The following RIC1 variants were observed in gnomAD, a reference collection of about 807,000 sequenced individuals.
RIC1 encodes guanine nucleotide exchange factor subunit RIC1.
Under a neutral mutation model 169.0 loss-of-function variants are expected in RIC1, and 88 were observed. The ratio of observed to expected loss-of-function variants is 0.52; its 90% CI spans 0.44 to 0.62. The LOEUF (loss-of-function observed/expected upper bound fraction) is 0.62, where lower values mean the gene tolerates loss of function less well. Among genes scored for constraint, RIC1 ranks in the 20% least tolerant of loss-of-function variants. The pLI is 0.00. For missense variants in RIC1, 1,877 were observed against 1,725.5 expected (o/e 1.09, Z -1.56); for synonymous variants, 790 against 601.5 (o/e 1.31, Z -4.59).
At chr9:5,680,108 T>C (rs1348166445) in intron 2 of RIC1, among the ~76,000 whole-genome samples, 1 of 152,202 alleles carries the variant, frequency 6.6e-6, no homozygotes, top group Non-Finnish European at 1.5e-5. Flanking sequence ...TCATGTGGTT[T>C]TTGTCTTTGG....
Position 5,774,414 on chromosome 9 carries a change from C to T in RIC1, c.*168C>T. The T allele has an allele frequency of 3.7e-6, 2 of 542,940 alleles. No individual in the cohort carries two copies. Among genetic ancestry groups the T allele is most frequent in the Non-Finnish European group, 6.0e-6 (2 of 332,604 alleles). 33.6% of individuals were successfully genotyped at this position (542,940 alleles called of 1,614,324 possible). ...CTTGTCTAAGAAATCTTTTTGACTCCATAAAAATGTGATATAAAGCATCTT... is the reference window on the plus strand; with the variant it reads ...CTTGTCTAAGAAATCTTTTTGACTCTATAAAAATGTGATATAAAGCATCTT... On this transcript the variant is annotated 3_prime_UTR_variant, in exon 26 of 26. Transcript: ENST00000414202.
intron 25 of RIC1, 96 bp downstream of exon 25, chr9:5,773,176 TTTTA>T (rs1203852325): frequency 8.4e-6 from 4 of 477,426 alleles, no homozygotes; most frequent in African/African-American, 2.0e-5. Context: ...ATGTGTTACA[TTTTA>T]TTTATTTATT....
chr9:5,731,466 T>C (rs749756870), intron 6 of RIC1, among the ~76,000 whole-genome samples: 3 of 152,182 alleles, frequency 2.0e-5, no homozygotes, highest in East Asian at 1.9e-4. Flanking sequence ...CTAGTTCATA[T>C]AGTTGTGATT....
intron 3 of RIC1, among the ~76,000 whole-genome samples, chr9:5,691,039 T>C (rs1282801504): frequency 6.6e-6 from 1 of 151,988 alleles, no homozygotes; most frequent in Non-Finnish European, 1.5e-5. Context: ...AGAGGTATAA[T>C]AAAAGTTGTG....
chr9:5,755,494 T>TA (rs368456895), intron 15 of RIC1, among the ~76,000 whole-genome samples: 23 of 152,356 alleles, frequency 1.5e-4, no homozygotes, highest in African/African-American at 5.5e-4. Flanking sequence ...TAGTATACTG[T>TA]ACTCACCTAT....
intron 6 of RIC1, among the ~76,000 whole-genome samples, chr9:5,727,819 G>T (rs1381859716): frequency 6.6e-6 from 1 of 152,224 alleles, no homozygotes; most frequent in Non-Finnish European, 1.5e-5. Flanking sequence ...TCCAGACCCT[G>T]TTTGCCTGGG....
At chr9:5,680,590 T>C (rs922009034) in intron 2 of RIC1, among the ~76,000 whole-genome samples, 8 of 152,178 alleles carry the variant, frequency 5.3e-5, no homozygotes, top group Admixed American at 3.9e-4. Flanking sequence ...GGTGTATGTG[T>C]CCAGGAACTT....
chr9:5,733,983 T>A (rs1824535693), intron 7 of RIC1, among the ~76,000 whole-genome samples: 2 of 149,668 alleles, frequency 1.3e-5, no homozygotes, highest in Non-Finnish European at 3.0e-5. Flanking sequence ...GTGGATTTTT[T>A]TGGACTACTG....
In RIC1 at chr9:5,774,078, A is replaced by G. The variant is rs772418488; in HGVS notation, c.4104A>G (p.Glu1368=). 6.2e-7 allele frequency: 1 copy of G among 1,614,134 alleles called. No individual in the cohort carries two copies. Among genetic ancestry groups the G allele is most frequent in the Admixed American group, 1.7e-5 (1 of 60,014 alleles). ...FQPITMGKTP[E]QTSPRAEESR... ...CAATAACTATGGGTAAGACTCCAGAACAGACTAGCCCCCGGGCAGAGGAGA... is the reference window on the plus strand; with the variant it reads ...CAATAACTATGGGTAAGACTCCAGAGCAGACTAGCCCCCGGGCAGAGGAGA... Residue 1368 remains glutamate (E), a synonymous_variant, in exon 26 of 26, where the codon GAA becomes GAG. Transcript: ENST00000414202.
At chr9:5,767,423 G>T (rs185846969) in intron 21 of RIC1, among the ~76,000 whole-genome samples, 1 of 149,928 alleles carries the variant, frequency 6.7e-6, no homozygotes, top group Admixed American at 6.6e-5. Context: ...ATGTTCTTCT[G>T]TTGTTGTCTC....
intron 2 of RIC1, among the ~76,000 whole-genome samples, chr9:5,666,302 T>TAG (rs1352909957): frequency 6.6e-6 from 1 of 152,228 alleles, no homozygotes; most frequent in Non-Finnish European, 1.5e-5. Flanking sequence ...TCCTACGACT[T>TAG]TGCTAACTTT....
intron 23 of RIC1, 97 bp downstream of exon 23, chr9:5,770,375 G>C (rs916067419): frequency 9.1e-7 from 1 of 1,094,082 alleles, no homozygotes; most frequent in Non-Finnish European, 1.3e-6. Context: ...TTTCTATCGT[G>C]ATGGAGGATT....
At position 5,717,254 on chromosome 9, in the gene RIC1, G is replaced by T. The variant is rs1370309836; in HGVS notation, c.441-2928G>T. ...GAACTCTTAATTTTGTCAGACGATT[G>T]TTGAGTTTTGTCTAGCAGGTAGTCA... On this transcript the variant is annotated intron_variant, in intron 4 of 25. Transcript: ENST00000414202. Among the ~76,000 whole-genome samples, 4 of 152,116 alleles carry T rather than the reference G, an allele frequency of 2.6e-5. No individual in the cohort carries two copies. In the South Asian group the frequency reaches 8.3e-4, roughly 32 times the overall value.
intron 21 of RIC1, among the ~76,000 whole-genome samples, chr9:5,767,427 T>G (rs1826851837): frequency 6.6e-6 from 1 of 152,140 alleles, no homozygotes; most frequent in African/African-American, 2.4e-5. Context: ...TCTTCTGTTG[T>G]TGTCTCATTT....
chr9:5,633,316 C>T (rs1003415373), intron 1 of RIC1, among the ~76,000 whole-genome samples: 27 of 152,082 alleles, frequency 1.8e-4, no homozygotes, highest in African/African-American at 6.5e-4. Context: ...AACTCTATTA[C>T]TTTCTCCAGA....
intron 22 of RIC1, 41 bp downstream of exon 22, chr9:5,769,297 T>C (rs1827029308): frequency 6.2e-7 from 1 of 1,613,776 alleles, no homozygotes; most frequent in Non-Finnish European, 8.5e-7. Context: ...GAGAATTGTA[T>C]TTTACTCCGT....
chr9:5,656,891 AAGCACCTATATCCCTAAACAT>A (rs990199592), intron 2 of RIC1, among the ~76,000 whole-genome samples: 1 of 152,136 alleles, frequency 6.6e-6, no homozygotes, highest in Non-Finnish European at 1.5e-5. Flanking sequence ...TTCCTTAACA[AAGCACCTATATCCCTAAACAT>A]AGCACCTGTA....
At chr9:5,707,506 T>A (rs1383089546) in intron 3 of RIC1, among the ~76,000 whole-genome samples, 5 of 152,138 alleles carry the variant, frequency 3.3e-5, no homozygotes, top group Admixed American at 3.3e-4. Context: ...ATTTTTCCCT[T>A]CAGTTTTGTG....
At chr9:5,669,884 C>T (rs1205400796) in intron 2 of RIC1, among the ~76,000 whole-genome samples, 1 of 152,142 alleles carries the variant, frequency 6.6e-6, no homozygotes, top group Non-Finnish European at 1.5e-5. Flanking sequence ...GGTGATCAGA[C>T]ATCACTTAGG....
Sources: gnomAD v4.1 joint callset for allele counts (sites outside exome capture counted in the v4.1 genomes callset) on GRCh38, gnomAD v4.1.1 for gene constraint, MANE v1.5 for transcripts, NCBI Gene and HGNC (gene_info 2026-07-23, HGNC 2026-07-21) for gene names.